Variants in ADAMTS6 observed in about 807,000 individuals in gnomAD.
The protein encoded by ADAMTS6 is ADAM metallopeptidase with thrombospondin type 1 motif 6.
In ADAMTS6, 23 loss-of-function variants were observed where a neutral mutation model predicts 144.3. The ratio of observed to expected loss-of-function variants is 0.16; its 90% CI spans 0.11 to 0.23. The LOEUF (loss-of-function observed/expected upper bound fraction) is 0.23, where lower values mean the gene tolerates loss of function less well. Ranked by LOEUF, ADAMTS6 falls within the 10% of genes least tolerant of loss-of-function variation. The pLI is 1.00. For synonymous variants in ADAMTS6, 444 were observed against 457.5 expected (o/e 0.97, Z 0.38); for missense variants, 999 against 1,379.6 (o/e 0.72, Z 4.37).
At chr5:65,179,015 C>T (rs984164847) in intron 22 of ADAMTS6, among the ~76,000 whole-genome samples, 9 of 149,074 alleles carry the variant, frequency 6.0e-5, no homozygotes, top group African/African-American at 1.7e-4. Context: ...GCTTCGCTAA[C>T]GCCTACAAAG....
At chr5:65,382,114 A>C (rs1031660291) in intron 7 of ADAMTS6, among the ~76,000 whole-genome samples, 1 of 152,188 alleles carries the variant, frequency 6.6e-6, no homozygotes, top group Non-Finnish European at 1.5e-5. Context: ...AACTCTTTGG[A>C]AAAAGCTGGG....
chr5:65,474,740 CAGA>C lies in ADAMTS6; in HGVS notation c.-279-791_-279-789del, dbSNP rs1423995453. Reference sequence around the variant, plus strand: ...CCTGGTTTCCCCGCATACAGCAGATCAGAAGAAGAAAATAACTAAGAGCTAAAA... The same window carrying C: ...CCTGGTTTCCCCGCATACAGCAGATCAGAAGAAAATAACTAAGAGCTAAAA... On this transcript the variant is annotated intron_variant, in intron 1 of 24. Transcript: ENST00000381055. Among the ~76,000 whole-genome samples the C allele has an allele frequency of 4.7e-5, 5 of 106,970 alleles. No individual in the cohort carries two copies. In the East Asian group the frequency reaches 1.4e-3, roughly 30 times the overall value. The allele number at this position is 106,970 out of a possible 152,430, so 70.2% of individuals were successfully genotyped here.
chr5:65,200,340 C>A (rs114528238), intron 20 of ADAMTS6, among the ~76,000 whole-genome samples: 1 of 152,138 alleles, frequency 6.6e-6, no homozygotes, highest in Non-Finnish European at 1.5e-5. Context: ...TACAGATCAA[C>A]TGGAAATAAT....
At chr5:65,292,711 C>T (rs964520716) in intron 10 of ADAMTS6, among the ~76,000 whole-genome samples, 4 of 152,010 alleles carry the variant, frequency 2.6e-5, no homozygotes, top group African/African-American at 9.7e-5. Flanking sequence ...ATATCCTTCT[C>T]CTTTCTTTCA....
intron 7 of ADAMTS6, among the ~76,000 whole-genome samples, chr5:65,338,084 G>T (rs931772097): frequency 8.5e-5 from 13 of 152,316 alleles, no homozygotes; most frequent in African/African-American, 3.1e-4. Context: ...ACACTGGAAT[G>T]CTAAGAATTA....
intron 7 of ADAMTS6, among the ~76,000 whole-genome samples, chr5:65,349,806 G>A (rs1748679786): frequency 6.7e-6 from 1 of 150,330 alleles, no homozygotes; most frequent in African/African-American, 2.5e-5. Context: ...AGTGAGCCGA[G>A]ATCGTGCCAC....
intron 7 of ADAMTS6, among the ~76,000 whole-genome samples, chr5:65,353,494 C>G (rs2150092951): frequency 1.3e-5 from 2 of 151,900 alleles, no homozygotes; most frequent in East Asian, 3.9e-4. Flanking sequence ...GATTCTTGTC[C>G]CTAATATTGA....
chr5:65,374,939 C>T (rs2150126192), intron 7 of ADAMTS6, among the ~76,000 whole-genome samples: 1 of 152,090 alleles, frequency 6.6e-6, no homozygotes, highest in African/African-American at 2.4e-5. Context: ...AGAACAGAGC[C>T]CTCAGAAATA....
chr5:65,249,182 G>C (rs1759924978), intron 14 of ADAMTS6, among the ~76,000 whole-genome samples: 2 of 152,136 alleles, frequency 1.3e-5, no homozygotes, highest in Admixed American at 6.6e-5. Context: ...TGGTGCCAGG[G>C]AGAGGCCATT....
At chr5:65,420,780 A>G (rs1755963643) in intron 7 of ADAMTS6, among the ~76,000 whole-genome samples, 1 of 151,260 alleles carries the variant, frequency 6.6e-6, no homozygotes, top group Non-Finnish European at 1.5e-5. Context: ...AGGTAGACTT[A>G]GAGTCAAATG....
intron 12 of ADAMTS6, 87 bp from the exon 13 acceptor site, chr5:65,263,049 A>C: frequency 1.3e-6 from 2 of 1,491,080 alleles, no homozygotes; most frequent in South Asian, 2.4e-5. Context: ...GGTACTGACC[A>C]ACTATAGGCA....
At chr5:65,283,515 T>C (rs1174628719) in intron 11 of ADAMTS6, among the ~76,000 whole-genome samples, 1 of 152,018 alleles carries the variant, frequency 6.6e-6, no homozygotes, top group African/African-American at 2.4e-5. Context: ...AAACTAGTAA[T>C]CTTTAAAGAT....
intron 7 of ADAMTS6, among the ~76,000 whole-genome samples, chr5:65,445,607 G>T (rs1034047872): frequency 5.9e-5 from 9 of 152,138 alleles, no homozygotes; most frequent in Non-Finnish European, 8.8e-5. Flanking sequence ...CTCCCAAAGT[G>T]CTGGCATTAC....
intron 7 of ADAMTS6, among the ~76,000 whole-genome samples, chr5:65,446,942 G>A (rs1272155975): frequency 2.0e-5 from 3 of 151,956 alleles, no homozygotes; most frequent in Non-Finnish European, 4.4e-5. Flanking sequence ...ACTTTAAATG[G>A]GTAAATTGTA....
intron 10 of ADAMTS6, among the ~76,000 whole-genome samples, chr5:65,299,375 G>A (rs183209544): frequency 6.6e-6 from 1 of 152,232 alleles, no homozygotes; most frequent in Non-Finnish European, 1.5e-5. Flanking sequence ...ATGCAAGTGA[G>A]ATGTGGAAGA....
chr5:65,344,881 T>G (rs1748173549), intron 7 of ADAMTS6, among the ~76,000 whole-genome samples: 1 of 151,862 alleles, frequency 6.6e-6, no homozygotes, highest in South Asian at 2.1e-4. Flanking sequence ...TTTCTTCGGC[T>G]AGGTTATTCC....
chr5:65,177,217 C>T (rs1174491422), intron 22 of ADAMTS6, among the ~76,000 whole-genome samples: 2 of 152,180 alleles, frequency 1.3e-5, no homozygotes, highest in African/African-American at 2.4e-5. Flanking sequence ...CCTCCAGAGT[C>T]GTGGGCCACA....
chr5:65,384,786 C>G (rs1043833527), intron 7 of ADAMTS6, among the ~76,000 whole-genome samples: 2 of 152,128 alleles, frequency 1.3e-5, no homozygotes, highest in East Asian at 1.9e-4. Context: ...ACGGCAACAC[C>G]CCACTTCTTG....
intron 7 of ADAMTS6, among the ~76,000 whole-genome samples, chr5:65,342,039 T>C (rs1033131561): frequency 6.6e-6 from 1 of 152,020 alleles, no homozygotes; most frequent in Non-Finnish European, 1.5e-5. Flanking sequence ...GTTCAACATA[T>C]GCAAATCAAT....
Sources: gnomAD v4.1 joint callset for allele counts (sites outside exome capture counted in the v4.1 genomes callset) on GRCh38, gnomAD v4.1.1 for gene constraint, MANE v1.5 for transcripts, NCBI Gene and HGNC (gene_info 2026-07-23, HGNC 2026-07-21) for gene names.